Variants in SGCD observed in about 807,000 individuals in gnomAD.
The protein encoded by SGCD is delta-sarcoglycan.
Under a neutral mutation model 36.6 loss-of-function variants are expected in SGCD, and 18 were observed. The observed-to-expected ratio is 0.49, with a 90% confidence interval of 0.34 to 0.73. The LOEUF is 0.73. SGCD is among the 30% of genes least tolerant of loss of function. The probability of loss-of-function intolerance (pLI) is 0.01; values close to 1 mark genes in which losing one functional copy is unlikely to be tolerated. For synonymous variants in SGCD, 133 were observed against 130.6 expected, an observed-to-expected ratio of 1.02 and a Z score of -0.12; for missense variants, 387 against 346.7, an observed-to-expected ratio of 1.12 and a Z score of -0.92.
At chr5:156,072,254 TG>T (rs1760597275) in intron 1 of SGCD, among the ~76,000 whole-genome samples, 1 of 152,176 alleles carries the variant, frequency 6.6e-6, no homozygotes, top group Non-Finnish European at 1.5e-5. Flanking sequence ...GGCATGATTT[TG>T]CAGTGGCTGG....
intron 1 of SGCD, among the ~76,000 whole-genome samples, chr5:155,975,631 TTTTTTTTTTTTTTTTG>T (rs1758098931): frequency 9.9e-6 from 1 of 100,996 alleles, no homozygotes; most frequent in African/African-American, 4.1e-5. Context: ...TTTTTTTTTT[TTTTTTTTTTTTTTTTG>T]AGACGGAGTT....
chr5:156,510,200 TA>T (rs1425727255), intron 4 of SGCD, among the ~76,000 whole-genome samples: 1 of 152,204 alleles, frequency 6.6e-6, no homozygotes, highest in Non-Finnish European at 1.5e-5. Flanking sequence ...TGATTATTTA[TA>T]AAATGTAACT....
chr5:156,615,441 C>T (rs976312073), intron 6 of SGCD, among the ~76,000 whole-genome samples: 6 of 152,072 alleles, frequency 3.9e-5, no homozygotes, highest in African/African-American at 1.4e-4. Context: ...TTTAAATTAG[C>T]ATAAGACTTA....
chr5:156,010,719 A>G (rs73810390), intron 1 of SGCD, among the ~76,000 whole-genome samples: 12,040 of 152,198 alleles, frequency 0.079, 1,554 homozygotes, highest in African/African-American at 0.27. Flanking sequence ...CACTTCTAAT[A>G]TCTGTTTTAT....
intron 3 of SGCD, among the ~76,000 whole-genome samples, chr5:156,269,649 G>C (rs1218458373): frequency 6.6e-6 from 1 of 152,048 alleles, no homozygotes; most frequent in Non-Finnish European, 1.5e-5. Flanking sequence ...TTGAGATTTG[G>C]GTGGGGACAC....
At chr5:155,954,722 G>A (rs148001080) in intron 1 of SGCD, among the ~76,000 whole-genome samples, 35 of 152,160 alleles carry the variant, frequency 2.3e-4, no homozygotes, top group African/African-American at 8.2e-4. Context: ...AGAACTAACA[G>A]GATATGCTTT....
chr5:156,688,133 T>G (rs1204948795), intron 7 of SGCD, among the ~76,000 whole-genome samples: 1 of 151,874 alleles, frequency 6.6e-6, no homozygotes, highest in Non-Finnish European at 1.5e-5. Context: ...GTCGCGGGGG[T>G]TTGTTGTACT....
intron 1 of SGCD, among the ~76,000 whole-genome samples, chr5:155,930,401 T>C (rs1183413079): frequency 6.6e-6 from 1 of 152,182 alleles, no homozygotes; most frequent in Non-Finnish European, 1.5e-5. Flanking sequence ...GCATACTGTA[T>C]TGTGCAAGCA....
At chr5:156,675,633 C>T (rs1280092044) in intron 7 of SGCD, among the ~76,000 whole-genome samples, 3 of 152,118 alleles carry the variant, frequency 2.0e-5, no homozygotes. Flanking sequence ...GAAACTTAAG[C>T]ACTACATAGA....
At chr5:156,644,126 C>T (rs946112502) in intron 6 of SGCD, among the ~76,000 whole-genome samples, 5 of 152,116 alleles carry the variant, frequency 3.3e-5, no homozygotes, top group African/African-American at 7.2e-5. Flanking sequence ...TTTAAAAGAA[C>T]GCTTCTTGAA....
At chr5:156,589,170 A>G in intron 4 of SGCD, 61 bp from the exon 5 acceptor site, 1 of 1,226,146 alleles carries the variant, frequency 8.2e-7, no homozygotes, top group Admixed American at 2.0e-5. Flanking sequence ...AGTTGTAATG[A>G]CAGTTCTTTT....
At chr5:156,232,922 C>T (rs542902810) in intron 3 of SGCD, among the ~76,000 whole-genome samples, 37 of 152,222 alleles carry the variant, frequency 2.4e-4, no homozygotes, top group African/African-American at 7.9e-4. Context: ...TAGGAATTTC[C>T]TTTTTATGTA....
the SGCD span, among the ~76,000 whole-genome samples, chr5:155,864,467 G>A: frequency 6.6e-6 from 1 of 152,010 alleles, no homozygotes; most frequent in African/African-American, 2.4e-5. Context: ...AATAATCCAG[G>A]CAAGAGATGG....
intron 1 of SGCD, among the ~76,000 whole-genome samples, chr5:156,080,905 A>T (rs2127591493): frequency 6.6e-6 from 1 of 152,292 alleles, no homozygotes; most frequent in African/African-American, 2.4e-5. Flanking sequence ...CCCAGTTCCA[A>T]AGTCACCTAT....
At chr5:156,200,164 ACAT>A (rs1561562145) in intron 3 of SGCD, among the ~76,000 whole-genome samples, 1 of 152,170 alleles carries the variant, frequency 6.6e-6, no homozygotes, top group Non-Finnish European at 1.5e-5. Context: ...AAGAGAGAAA[ACAT>A]CATAAAATAT....
intron 1 of SGCD, among the ~76,000 whole-genome samples, chr5:155,955,450 A>G (rs998846380): frequency 6.6e-6 from 1 of 152,154 alleles, no homozygotes; most frequent in Non-Finnish European, 1.5e-5. Context: ...GAAATAGTTC[A>G]GATTTGGGCA....
At chr5:155,817,445 GT>G in the SGCD span, among the ~76,000 whole-genome samples, 2 of 151,702 alleles carry the variant, frequency 1.3e-5, no homozygotes, top group African/African-American at 4.8e-5. Context: ...TACTAGAAAT[GT>G]TTTTGTTAAT....
intron 2 of SGCD, among the ~76,000 whole-genome samples, chr5:156,335,945 C>T (rs1426411392): frequency 6.6e-6 from 1 of 152,220 alleles, no homozygotes; most frequent in Non-Finnish European, 1.5e-5. Context: ...CATTCTCGCT[C>T]CTACAACCCA....
chr5:156,458,575 C>A (rs988192548), intron 3 of SGCD: 8 of 907,624 alleles, frequency 8.8e-6, no homozygotes, highest in South Asian at 1.5e-5. Flanking sequence ...AAATTCAGCA[C>A]CTTGATTAAC....
Sources: gnomAD v4.1 joint callset for allele counts (sites outside exome capture counted in the v4.1 genomes callset) on GRCh38, gnomAD v4.1.1 for gene constraint, MANE v1.5 for transcripts, NCBI Gene and HGNC (gene_info 2026-07-23, HGNC 2026-07-21) for gene names.